The following SLC24A3 variants were observed in gnomAD, a reference collection of about 807,000 sequenced individuals.
SLC24A3 encodes solute carrier family 24 member 3.
A neutral mutation model predicts 75.8 loss-of-function variants in SLC24A3; 28 were observed. The ratio of observed to expected loss-of-function variants is 0.37; its 90% confidence interval spans 0.27 to 0.51. The LOEUF (loss-of-function observed/expected upper bound fraction) is 0.51, where lower values mean the gene tolerates loss of function less well. SLC24A3 is among the 20% of genes least tolerant of loss of function. The pLI is 0.94. For missense variants in SLC24A3, 663 were observed against 847.8 expected (o/e 0.78, Z 2.71); for synonymous variants, 372 against 334.1 (o/e 1.11, Z -1.24).
chr20:19,692,499 A>C (rs971569817), intron 12 of SLC24A3, among the ~76,000 whole-genome samples: 2 of 152,204 alleles, frequency 1.3e-5, no homozygotes, highest in Non-Finnish European at 2.9e-5. Context: ...TATGTTGAAA[A>C]GAAGAAGGAA....
intron 6 of SLC24A3, among the ~76,000 whole-genome samples, chr20:19,610,253 T>G (rs2031655361): frequency 6.6e-6 from 1 of 152,236 alleles, no homozygotes; most frequent in Non-Finnish European, 1.5e-5. Flanking sequence ...TACCAAATTG[T>G]TGTTTCAGTT....
chr20:19,440,644 TG>T (rs541456613), intron 2 of SLC24A3, among the ~76,000 whole-genome samples: 1 of 106,160 alleles, frequency 9.4e-6, no homozygotes, highest in South Asian at 3.3e-4. Flanking sequence ...GAGGCCTCAC[TG>T]TTTTTTTTTT....
chr20:19,410,395 A>T (rs1018982174), intron 2 of SLC24A3, among the ~76,000 whole-genome samples: 31 of 152,328 alleles, frequency 2.0e-4, no homozygotes, highest in Admixed American at 1.9e-3. Context: ...CATGCATCTC[A>T]GGACACATTT....
At chr20:19,286,829 A>G (rs1408815651) in intron 2 of SLC24A3, among the ~76,000 whole-genome samples, 3 of 152,258 alleles carry the variant, frequency 2.0e-5, no homozygotes, top group Non-Finnish European at 4.4e-5. Context: ...ACTAGAAATG[A>G]CAAATTGCAA....
intron 6 of SLC24A3, among the ~76,000 whole-genome samples, chr20:19,613,449 T>G (rs1239627114): frequency 2.0e-5 from 3 of 152,216 alleles, no homozygotes; most frequent in Non-Finnish European, 4.4e-5. Flanking sequence ...TTTAAAGAGT[T>G]CTTTTCTAAA....
chr20:19,389,988 T>C (rs1007130455), intron 2 of SLC24A3, among the ~76,000 whole-genome samples: 2 of 152,200 alleles, frequency 1.3e-5, no homozygotes, highest in Non-Finnish European at 2.9e-5. Flanking sequence ...TGATTCTTTC[T>C]TCTGTTTGAT....
chr20:19,220,065 C>T (rs1438204667), intron 1 of SLC24A3, among the ~76,000 whole-genome samples: 5 of 152,212 alleles, frequency 3.3e-5, no homozygotes, highest in African/African-American at 1.2e-4. Flanking sequence ...CTGGACCCAT[C>T]CATGGACCAT....
chr20:19,492,156 C>G (rs150002936), intron 2 of SLC24A3, among the ~76,000 whole-genome samples: 228 of 152,304 alleles, frequency 1.5e-3, no homozygotes, highest in African/African-American at 5.2e-3. Flanking sequence ...GTATTTCAAA[C>G]AGAGCTTTCT....
rs2032771245 is a variant in SLC24A3, at chr20:19,693,510, CTG to C, written c.1491+87_1491+88del. The C allele has an allele frequency of 2.0e-6, 3 of 1,505,108 alleles. No individual in the cohort carries two copies. In the East Asian group the frequency reaches 6.9e-5, roughly 35 times the overall value. The allele number at this position is 1,505,108 out of a possible 1,614,324, so 93.2% of individuals were successfully genotyped here. On this transcript the variant is annotated intron_variant, in intron 13 of 16. Coordinates refer to ENST00000328041, the MANE Select transcript of SLC24A3 (RefSeq NM_020689.4). ...TAAGAGTCAGGGTTTCAGCCGATAACTGTACTAGTCAGCTATTGCTACAATAA... is the reference window on the plus strand; with the variant it reads ...TAAGAGTCAGGGTTTCAGCCGATAACTACTAGTCAGCTATTGCTACAATAA...
intron 2 of SLC24A3, among the ~76,000 whole-genome samples, chr20:19,443,005 G>C (rs1202145266): frequency 6.6e-6 from 1 of 152,102 alleles, no homozygotes; most frequent in East Asian, 1.9e-4. Flanking sequence ...GACTATGTTT[G>C]CATGGGTCTA....
rs527719700 is a variant in SLC24A3, at chr20:19,222,691, T to C, written c.142+9707T>C. On this transcript the variant is annotated intron_variant, in intron 1 of 16. Transcript: ENST00000328041. ...GCACTAAATAATTTATTTAGATATATAGCAGGACCATCCCAAATTATTTAA... is the reference window on the plus strand; with the variant it reads ...GCACTAAATAATTTATTTAGATATACAGCAGGACCATCCCAAATTATTTAA... 2.4e-4 allele frequency among the ~76,000 whole-genome samples: 37 copies of C among 152,188 alleles called. 1 individual carries two copies. In the South Asian group the frequency reaches 7.7e-3, roughly 32 times the overall value.
intron 4 of SLC24A3, among the ~76,000 whole-genome samples, chr20:19,582,416 ATTGC>A (rs2122634369): frequency 6.6e-6 from 1 of 152,384 alleles, no homozygotes; most frequent in African/African-American, 2.4e-5. Context: ...GCAACGAATC[ATTGC>A]TTGGAGGTCA....
intron 3 of SLC24A3, among the ~76,000 whole-genome samples, chr20:19,547,566 A>T (rs142068360): frequency 6.6e-6 from 1 of 152,322 alleles, no homozygotes; most frequent in East Asian, 1.9e-4. Context: ...CAGAAAATGA[A>T]ATGAAATGAA....
chr20:19,515,453 C>A, intron 2 of SLC24A3, 35 bp from the exon 3 acceptor site: 1 of 1,608,016 alleles, frequency 6.2e-7, no homozygotes, highest in East Asian at 2.2e-5. Flanking sequence ...ATGTGGTCAC[C>A]TGTGCTGAGA....
chr20:19,214,904 A>C (rs1036270885), intron 1 of SLC24A3, among the ~76,000 whole-genome samples: 1 of 151,898 alleles, frequency 6.6e-6, no homozygotes. Flanking sequence ...TGTTGGTCTT[A>C]GGACCCCTCC....
In SLC24A3 at chr20:19,635,133, C is replaced by T. The variant is rs533491711; in HGVS notation, c.613-18929C>T. ...GCTGGTTCTCAGAACAGACACTTAC[C>T]TCCCCTGACTACAAGCTCGTTGAAA... On this transcript the variant is annotated intron_variant, in intron 6 of 16. Coordinates refer to ENST00000328041, the MANE Select transcript of SLC24A3 (RefSeq NM_020689.4). Among the ~76,000 whole-genome samples, 5 of 152,306 alleles carry T rather than the reference C, an allele frequency of 3.3e-5. No homozygotes were observed. In the South Asian group the frequency reaches 1.0e-3, roughly 32 times the overall value.
At chr20:19,388,134 ATTAAG>A (rs528823242) in intron 2 of SLC24A3, among the ~76,000 whole-genome samples, 4 of 152,104 alleles carry the variant, frequency 2.6e-5, no homozygotes, top group African/African-American at 4.8e-5. Flanking sequence ...AAAATGTACA[ATTAAG>A]TTATTATTGA....
chr20:19,680,329 C>T (rs867335082), intron 9 of SLC24A3, among the ~76,000 whole-genome samples: 1 of 152,134 alleles, frequency 6.6e-6, no homozygotes, highest in African/African-American at 2.4e-5. Flanking sequence ...CTATGTGTTT[C>T]CTATATGTCT....
At chr20:19,239,765 C>T (rs888066529) in intron 1 of SLC24A3, among the ~76,000 whole-genome samples, 9 of 152,184 alleles carry the variant, frequency 5.9e-5, no homozygotes, top group South Asian at 2.1e-4. Context: ...AGGTCCCCCT[C>T]GATGGCTTTG....
Sources: allele counts gnomAD v4.1 joint callset (sites outside exome capture counted in the v4.1 genomes callset), GRCh38; gene constraint gnomAD v4.1.1; transcripts MANE v1.5; gene names NCBI Gene and HGNC (gene_info 2026-07-23, HGNC 2026-07-21).